Variants in SNX29 observed in about 807,000 individuals in gnomAD.
SNX29 encodes the protein sorting nexin-29.
In SNX29, 78 loss-of-function variants were observed where a neutral mutation model predicts 102.1. That is an observed-to-expected ratio of 0.76 (90% confidence interval 0.64 to 0.92). The LOEUF (loss-of-function observed/expected upper bound fraction) is 0.92. Among genes scored for constraint, SNX29 ranks in the 40% least tolerant of loss-of-function variants. SNX29 has a pLI of 0.00. For synonymous variants in SNX29, 580 were observed against 414.5 expected, an observed-to-expected ratio of 1.40 and a Z score of -4.85; for missense variants, 1,280 against 1,061.7, an observed-to-expected ratio of 1.21 and a Z score of -2.86.
chr16:12,348,526 T>A (rs2081892355), intron 15 of SNX29, among the ~76,000 whole-genome samples: 1 of 151,808 alleles, frequency 6.6e-6, no homozygotes, highest in Non-Finnish European at 1.5e-5. Flanking sequence ...GACAGCGCCT[T>A]TCCCCGGCTC....
chr16:12,232,898 G>T (rs550394971), intron 14 of SNX29, among the ~76,000 whole-genome samples: 96 of 152,310 alleles, frequency 6.3e-4, no homozygotes, highest in African/African-American at 2.1e-3. Context: ...CCCAGCATGG[G>T]CTTGGAGGGG....
intron 20 of SNX29, among the ~76,000 whole-genome samples, chr16:12,547,628 C>T (rs1357212423): frequency 6.6e-6 from 1 of 152,174 alleles, no homozygotes; most frequent in East Asian, 1.9e-4. Flanking sequence ...CTAAGCTGTC[C>T]CATGGGATGG....
At chr16:11,982,119 ATATT>A (rs1446317775) in intron 1 of SNX29, among the ~76,000 whole-genome samples, 1 of 152,164 alleles carries the variant, frequency 6.6e-6, no homozygotes, top group Non-Finnish European at 1.5e-5. Flanking sequence ...ACTGAAGACA[ATATT>A]TATGGATTCA....
Position 12,573,278 on chromosome 16 carries a change from T to G in SNX29, c.*4649T>G. ...CAGTCATCTCTGGTATTCCTCACTC[T>G]AGCCATGAGCCATTGCCATCTTATG... On this transcript the variant is annotated 3_prime_UTR_variant, in exon 21 of 21. Transcript: ENST00000566228. 1 of 227,660 alleles carries G rather than the reference T, an allele frequency of 4.4e-6. No homozygotes were observed. Among genetic ancestry groups the G allele is most frequent in the Non-Finnish European group, 8.7e-6 (1 of 114,634 alleles). 14.1% of individuals were successfully genotyped at this position (227,660 alleles called of 1,614,324 possible). A position where few individuals can be genotyped will look rare whatever the true frequency, so the allele number is the denominator to read the frequency against.
chr16:12,083,219 T>G (rs1381318598), intron 11 of SNX29, among the ~76,000 whole-genome samples: 1 of 150,892 alleles, frequency 6.6e-6, no homozygotes, highest in Non-Finnish European at 1.5e-5. Flanking sequence ...GGCAGGAGAA[T>G]CGCTTGAACC....
intron 8 of SNX29, 153 bp downstream of exon 8, chr16:12,052,375 C>T (rs957249552): frequency 1.3e-6 from 1 of 752,432 alleles, no homozygotes; most frequent in Non-Finnish European, 2.1e-6. Context: ...TGTCACCACA[C>T]CCAGCTAATT....
chr16:12,529,341 G>A (rs1049904228), intron 20 of SNX29, among the ~76,000 whole-genome samples: 1 of 152,152 alleles, frequency 6.6e-6, no homozygotes, highest in African/African-American at 2.4e-5. Flanking sequence ...TTGGGGAAGG[G>A]GTGGTTACTA....
chr16:12,556,276 G>T (rs75148008), intron 20 of SNX29: 3 of 152,140 alleles, frequency 2.0e-5, no homozygotes, highest in Admixed American at 6.5e-5. Context: ...CAAGAAATCC[G>T]AGGTCCTGTG....
At chr16:12,379,460 C>T (rs887710594) in intron 16 of SNX29, among the ~76,000 whole-genome samples, 3 of 152,206 alleles carry the variant, frequency 2.0e-5, no homozygotes, top group Non-Finnish European at 4.4e-5. Context: ...AAGCTCAGAG[C>T]AGGGAAATGA....
At chr16:12,325,809 T>G (rs905239599) in intron 15 of SNX29, among the ~76,000 whole-genome samples, 1 of 151,994 alleles carries the variant, frequency 6.6e-6, no homozygotes, top group African/African-American at 2.4e-5. Context: ...GGAGAATTGC[T>G]TAAGGCCAGG....
chr16:12,019,480 C>T (rs1284998552), intron 3 of SNX29, among the ~76,000 whole-genome samples: 1 of 151,984 alleles, frequency 6.6e-6, no homozygotes, highest in Non-Finnish European at 1.5e-5. Context: ...GCTGGGATTA[C>T]AAGAGTGAGC....
intron 3 of SNX29, among the ~76,000 whole-genome samples, chr16:12,022,293 C>T (rs572115990): frequency 1.4e-4 from 21 of 151,638 alleles, no homozygotes; most frequent in African/African-American, 2.9e-4. Context: ...CTCCGCCTCC[C>T]GGGTTCAAGC....
intron 13 of SNX29, among the ~76,000 whole-genome samples, chr16:12,173,952 G>T (rs1299091429): frequency 6.6e-6 from 1 of 152,144 alleles, no homozygotes; most frequent in African/African-American, 2.4e-5. Flanking sequence ...GCTAATTTTT[G>T]TATTTTTAGT....
chr16:12,081,157 C>T (rs1355340633), intron 11 of SNX29: 1 of 152,134 alleles, frequency 6.6e-6, no homozygotes, highest in African/African-American at 2.4e-5. Context: ...GGCGTGGTTG[C>T]CTGCCCTGGG....
chr16:12,250,703 C>G (rs140358182), intron 14 of SNX29, among the ~76,000 whole-genome samples: 157 of 152,336 alleles, frequency 1.0e-3, no homozygotes, highest in African/African-American at 3.6e-3. Context: ...GGTTGAAGCA[C>G]TGGGTTGTAA....
At chr16:12,228,183 A>G (rs1407427549) in intron 14 of SNX29, among the ~76,000 whole-genome samples, 1 of 152,248 alleles carries the variant, frequency 6.6e-6, no homozygotes, top group Non-Finnish European at 1.5e-5. Context: ...GCCGAGCTGT[A>G]GACACATTAG....
intron 3 of SNX29, among the ~76,000 whole-genome samples, chr16:12,024,622 T>C (rs2057137269): frequency 6.6e-6 from 1 of 152,218 alleles, no homozygotes; most frequent in Non-Finnish European, 1.5e-5. Context: ...TTGTGACCTG[T>C]GTGCCTCTGT....
chr16:12,159,701 A>G (rs943093488), intron 13 of SNX29, among the ~76,000 whole-genome samples: 1 of 152,216 alleles, frequency 6.6e-6, no homozygotes, highest in Non-Finnish European at 1.5e-5. Context: ...CTCTATTAAA[A>G]ATAAGTACAT....
Position 12,398,154 on chromosome 16 carries a change from C to T in SNX29, c.1900-292C>T, listed in dbSNP as rs12448282. On this transcript the variant is annotated intron_variant, in intron 16 of 20. Transcript: ENST00000566228. ...TCTCAGATCCTAATTAGGCCTTTATCGCTCCAAAATTACATGCTCTTACAT... is the reference window on the plus strand; with the variant it reads ...TCTCAGATCCTAATTAGGCCTTTATTGCTCCAAAATTACATGCTCTTACAT... Among the ~76,000 whole-genome samples, 1,365 of 152,124 alleles carry T rather than the reference C, an allele frequency of 9.0e-3. 11 individuals carry two copies. Among genetic ancestry groups the T allele is most frequent in the Middle Eastern group, 0.024 (7 of 292 alleles).
Sources: allele counts gnomAD v4.1 joint callset (sites outside exome capture counted in the v4.1 genomes callset), GRCh38; gene constraint gnomAD v4.1.1; transcripts MANE v1.5; gene names NCBI Gene and HGNC (gene_info 2026-07-23, HGNC 2026-07-21).